The following MOB1A variants were observed in gnomAD, a reference collection of about 807,000 sequenced individuals.
The protein encoded by MOB1A is MOB1 Mps One Binder homolog A.
In MOB1A, 10 loss-of-function variants were observed where a neutral mutation model predicts 25.1. The ratio of observed to expected loss-of-function variants is 0.40; its 90% CI spans 0.25 to 0.68. MOB1A has a LOEUF of 0.68. Among genes scored for constraint, MOB1A ranks in the 30% least tolerant of loss-of-function variants. The pLI, the probability that MOB1A is intolerant of heterozygous loss-of-function variation, is 0.40. For synonymous variants in MOB1A, 81 were observed against 79.5 expected, an observed-to-expected ratio of 1.02 and a Z score of -0.10; for missense variants, 177 against 256.3, an observed-to-expected ratio of 0.69 and a Z score of 2.11.
chr2:74,158,115 G>T (rs2103689264), intron 5 of MOB1A, among the ~76,000 whole-genome samples: 1 of 150,094 alleles, frequency 6.7e-6, no homozygotes, highest in Non-Finnish European at 1.5e-5. Flanking sequence ...AGGAGGCAAA[G>T]GTTGCAGTTA....
intron 1 of MOB1A, among the ~76,000 whole-genome samples, chr2:74,174,269 C>CAAAAAAAA (rs760925429): frequency 7.4e-5 from 6 of 80,700 alleles, no homozygotes; most frequent in Admixed American, 2.7e-4. Flanking sequence ...GACTCCGTCT[C>CAAAAAAAA]AAAAAAAAAA....
intron 4 of MOB1A, among the ~76,000 whole-genome samples, 185 bp from the exon 5 acceptor site, chr2:74,159,439 C>T (rs1692898242): frequency 6.6e-6 from 1 of 152,104 alleles, no homozygotes; most frequent in East Asian, 1.9e-4. Flanking sequence ...CTACACGCCA[C>T]CATGCCCAGC....
At chr2:74,159,959 G>A (rs1692919011) in intron 4 of MOB1A, among the ~76,000 whole-genome samples, 1 of 151,846 alleles carries the variant, frequency 6.6e-6, no homozygotes, top group Non-Finnish European at 1.5e-5. Context: ...TGGGACTACA[G>A]GCGTGCACTA....
rs999165322 is a variant in MOB1A at position 74,178,816 on chromosome 2, C to G, written c.-142G>C. 1.1e-5 allele frequency: 5 copies of G among 443,378 alleles called. No homozygotes were observed. Among genetic ancestry groups the G allele is most frequent in the African/African-American group, 4.1e-5 (2 of 48,420 alleles). 27.5% of individuals were successfully genotyped at this position (443,378 alleles called of 1,614,324 possible). A position where few individuals can be genotyped will look rare whatever the true frequency, so the allele number is the denominator to read the frequency against. On this transcript the variant is annotated 5_prime_UTR_variant, in exon 1 of 6. Coordinates refer to ENST00000396049, the MANE Select transcript of MOB1A (RefSeq NM_018221.5). ...CCGCTCGGAGCCGGGTTTCTGGCCG[C>G]TGCGAGCCTTTGCAAACCTCGGCGC...
chr2:74,167,671 T>C (rs968117350), intron 2 of MOB1A, among the ~76,000 whole-genome samples: 4 of 152,168 alleles, frequency 2.6e-5, no homozygotes, highest in Non-Finnish European at 5.9e-5. Flanking sequence ...TTGTGGAATA[T>C]ACTGTGAGGG....
At chr2:74,158,934 TA>T in intron 5 of MOB1A, 156 bp downstream of exon 5, 1 of 786,588 alleles carries the variant, frequency 1.3e-6, no homozygotes, top group Non-Finnish European at 2.0e-6. Flanking sequence ...CACACATCAA[TA>T]AAATAAATAA....
intron 3 of MOB1A, 51 bp from the exon 4 acceptor site, chr2:74,165,402 G>A (rs371106053): frequency 3.6e-5 from 42 of 1,179,228 alleles, no homozygotes; most frequent in African/African-American, 3.3e-4. Context: ...ATTAACAAAT[G>A]TGCAAGTTGT....
intron 4 of MOB1A, 107 bp from the exon 5 acceptor site, chr2:74,159,361 A>G: frequency 1.0e-6 from 1 of 957,664 alleles, no homozygotes. Flanking sequence ...GTGCAATCTC[A>G]GCTCACTGCA....
chr2:74,155,764 T>C lies in MOB1A; in HGVS notation c.*804A>G, dbSNP rs945953088. On this transcript the variant is annotated 3_prime_UTR_variant, in exon 6 of 6. Transcript: ENST00000396049. Reference sequence around the variant, plus strand: ...TTATTAATATTTTGGATTCCTTTTCTCAGCCAAAAGCTACTATCTGAATTA... The same window carrying C: ...TTATTAATATTTTGGATTCCTTTTCCCAGCCAAAAGCTACTATCTGAATTA... 2 of 152,538 alleles carry C rather than the reference T, an allele frequency of 1.3e-5. No homozygotes were observed. The highest frequency in any genetic ancestry group is 4.8e-5 in the African/African-American group (2 of 41,462). 9.4% of individuals were successfully genotyped at this position (152,538 alleles called of 1,614,324 possible).
Position 74,178,696 on chromosome 2 carries a change from C to A in MOB1A, c.-22G>T. 1 of 1,297,170 alleles carries A rather than the reference C, an allele frequency of 7.7e-7. No homozygotes were observed. The allele number at this position is 1,297,170 out of a possible 1,614,324, so 80.4% of individuals were successfully genotyped here. On this transcript the variant is annotated 5_prime_UTR_variant, in exon 1 of 6. Coordinates refer to ENST00000396049, the MANE Select transcript of MOB1A (RefSeq NM_018221.5). ...TCATCTTCGGTCCTCAGAGGGGAGG[C>A]GAGGGGCCCCTGGCCCCCGCCTGGA...
chr2:74,173,062 G>C, intron 1 of MOB1A: 1 of 450,982 alleles, frequency 2.2e-6, no homozygotes, highest in Non-Finnish European at 4.4e-6. Flanking sequence ...CTTGAACCTG[G>C]GAGGCAGAGG....
intron 2 of MOB1A, 137 bp from the exon 3 acceptor site, chr2:74,167,244 A>G (rs1205756036): frequency 2.3e-5 from 15 of 640,340 alleles, no homozygotes; most frequent in Non-Finnish European, 3.9e-5. Context: ...TGATACTGTA[A>G]CTTGTAGTAT....
At position 74,152,786 on chromosome 2, in the gene MOB1A, A is replaced by G. The variant is rs1395905379; in HGVS notation, c.*3782T>C. 2 of 152,226 alleles carry G rather than the reference A, an allele frequency of 1.3e-5. No individual in the cohort carries two copies. The highest frequency in any genetic ancestry group is 2.9e-5 in the Non-Finnish European group (2 of 68,038). The allele number at this position is 152,226 out of a possible 1,614,324, so 9.4% of individuals were successfully genotyped here. Reference sequence around the variant, plus strand: ...TAACCAAAACTAACTTACACAAACTATTTTTGATGTAGAATAGAATGCTGT... The same window carrying G: ...TAACCAAAACTAACTTACACAAACTGTTTTTGATGTAGAATAGAATGCTGT... On this transcript the variant is annotated 3_prime_UTR_variant, in exon 6 of 6. Coordinates refer to ENST00000396049, the MANE Select transcript of MOB1A (RefSeq NM_018221.5).
rs1157532884 is a variant in MOB1A, at chr2:74,155,436, C to CACT, written c.*1129_*1131dup. ...CCATTTTGTTTCCTTTAAACACATACACTCACTCACTCTCTCAAGAATAGG... is the reference window on the plus strand; with the variant it reads ...CCATTTTGTTTCCTTTAAACACATACACTACTCACTCACTCTCTCAAGAATAGG... On this transcript the variant is annotated 3_prime_UTR_variant, in exon 6 of 6. Transcript: ENST00000396049. The CACT allele has an allele frequency of 6.6e-6, 1 of 152,490 alleles. No individual in the cohort carries two copies. The highest frequency in any genetic ancestry group is 1.9e-4 in the East Asian group (1 of 5,204). 9.4% of individuals were successfully genotyped at this position (152,490 alleles called of 1,614,324 possible).
chr2:74,175,968 G>A (rs1054105423), intron 1 of MOB1A, among the ~76,000 whole-genome samples: 10 of 151,970 alleles, frequency 6.6e-5, no homozygotes, highest in African/African-American at 1.7e-4. Context: ...AAAAAGAGCC[G>A]GGTGCAGTGG....
At chr2:74,167,643 G>C (rs1009718809) in intron 2 of MOB1A, among the ~76,000 whole-genome samples, 7 of 152,142 alleles carry the variant, frequency 4.6e-5, no homozygotes, top group Non-Finnish European at 7.4e-5. Flanking sequence ...ATTTGTGTTA[G>C]GAAAGAGACA....
chr2:74,161,016 C>T (rs1208057410), intron 4 of MOB1A, among the ~76,000 whole-genome samples: 3 of 151,846 alleles, frequency 2.0e-5, no homozygotes, highest in Non-Finnish European at 4.4e-5. Flanking sequence ...CCAAGATTGC[C>T]GCCACTGCAC....
rs1692692101 is a variant in MOB1A, at chr2:74,152,759, G to A, written c.*3809C>T. On this transcript the variant is annotated 3_prime_UTR_variant, in exon 6 of 6. Transcript: ENST00000396049. ...AAGAACATTTAAAAATATTTTAGAT[G>A]GTAACCAAAACTAACTTACACAAAC... 6.6e-6 allele frequency: 1 copy of A among 152,094 alleles called. No homozygotes were observed. The highest frequency in any genetic ancestry group is 1.5e-5 in the Non-Finnish European group (1 of 68,014). The allele number at this position is 152,094 out of a possible 1,614,324, so 9.4% of individuals were successfully genotyped here. A position where few individuals can be genotyped will look rare whatever the true frequency, so the allele number is the denominator to read the frequency against.
rs552047421 is a variant in MOB1A, at chr2:74,155,434, T to TA, written c.*1133dup. 126 of 152,710 alleles carry TA rather than the reference T, an allele frequency of 8.3e-4. No individual in the cohort carries two copies. Among genetic ancestry groups the TA allele is most frequent in the Non-Finnish European group, 9.6e-4 (65 of 68,002 alleles). The allele number at this position is 152,710 out of a possible 1,614,324, so 9.5% of individuals were successfully genotyped here. On this transcript the variant is annotated 3_prime_UTR_variant, in exon 6 of 6. Coordinates refer to ENST00000396049, the MANE Select transcript of MOB1A (RefSeq NM_018221.5). ...TCCCATTTTGTTTCCTTTAAACACA[T>TA]ACACTCACTCACTCTCTCAAGAATA...
Sources: allele counts gnomAD v4.1 joint callset (sites outside exome capture counted in the v4.1 genomes callset), GRCh38; gene constraint gnomAD v4.1.1; transcripts MANE v1.5; gene names NCBI Gene and HGNC (gene_info 2026-07-23, HGNC 2026-07-21).